ERC1: variants seen among roughly 807,000 people sequenced by gnomAD.
ERC1 encodes ELKS/RAB6-interacting/CAST family member 1.
A neutral mutation model predicts 132.0 loss-of-function variants in ERC1; 56 were observed. That is an observed-to-expected ratio of 0.42 (90% CI 0.34 to 0.53). ERC1 has a LOEUF of 0.53. Among genes scored for constraint, ERC1 ranks in the 20% least tolerant of loss-of-function variants. The probability of loss-of-function intolerance (pLI) is 0.03; values close to 1 mark genes in which losing one functional copy is unlikely to be tolerated. For missense variants in ERC1, 1,202 were observed against 1,349.9 expected, an observed-to-expected ratio of 0.89 and a Z score of 1.72; for synonymous variants, 478 against 476.1, an observed-to-expected ratio of 1.00 and a Z score of -0.05.
intron 18 of ERC1, among the ~76,000 whole-genome samples, chr12:1,483,823 G>C (rs1020314408): frequency 6.6e-6 from 1 of 151,448 alleles, no homozygotes; most frequent in East Asian, 2.0e-4. Context: ...CCGAGTACCT[G>C]GGAACTACAG....
rs201919097 is a variant in ERC1 at position 1,083,447 on chromosome 12, G to A, written c.953G>A (p.Ser318Asn). 20 of 1,614,078 alleles carry A rather than the reference G, an allele frequency of 1.2e-5. No homozygotes were observed. The Admixed American group carries it at 2.8e-4, about 23-fold the overall frequency. ...SIKKLLEMLQ[S>N]KGLSAKATEE... Reference sequence around the variant, plus strand: ...AAGAAGCTTCTGGAAATGTTGCAGAGCAAAGGACTTTCTGCCAAGGCTACC... The same window carrying A: ...AAGAAGCTTCTGGAAATGTTGCAGAACAAAGGACTTTCTGCCAAGGCTACC... The change falls in exon 3 of 19, where the codon AGC (serine) becomes AAC (asparagine). Residue 318 changes from serine to asparagine, a missense_variant. By Grantham distance (46) the Ser-to-Asn change is conservative (BLOSUM62 1). Coordinates refer to ENST00000360905, the MANE Select transcript of ERC1 (RefSeq NM_178040.4).
rs1361159773 is a variant in ERC1 at position 1,225,450 on chromosome 12, ACACACAC to A, written c.2352-11318_2352-11312del. On this transcript the variant is annotated intron_variant, in intron 12 of 18. Transcript: ENST00000360905. ...GGACAACAAAATGAGGCTGTCTCTT[ACACACAC>A]ACACACACACACACACACACACACA... Among the ~76,000 whole-genome samples the A allele has an allele frequency of 6.3e-3, 319 of 50,818 alleles. 2 individuals are homozygous for A. The highest frequency in any genetic ancestry group is 0.018 in the African/African-American group (284 of 16,128). The allele number at this position is 50,818 out of a possible 152,430, so 33.3% of individuals were successfully genotyped here.
intron 12 of ERC1, among the ~76,000 whole-genome samples, chr12:1,232,843 T>C (rs1003712282): frequency 6.6e-6 from 1 of 152,066 alleles, no homozygotes; most frequent in Non-Finnish European, 1.5e-5. Context: ...AAGGGCTTTA[T>C]TGGTTTACTT....
At chr12:1,024,178 C>T (rs920293453) in intron 1 of ERC1, among the ~76,000 whole-genome samples, 6 of 152,128 alleles carry the variant, frequency 3.9e-5, no homozygotes, top group Admixed American at 1.3e-4. Context: ...CCCAGGAGTT[C>T]GAGACCAGAC....
intron 8 of ERC1, among the ~76,000 whole-genome samples, chr12:1,154,223 GTATATGTATATGTA>G (rs1951111564): frequency 1.4e-5 from 1 of 71,696 alleles, no homozygotes; most frequent in African/African-American, 7.8e-5. Context: ...GTATGTATAT[GTATATGTATATGTA>G]TATGTATATG....
chr12:1,041,422 G>T (rs1478347756), intron 2 of ERC1, among the ~76,000 whole-genome samples: 1 of 152,164 alleles, frequency 6.6e-6, no homozygotes, highest in Non-Finnish European at 1.5e-5. Context: ...GGCCAGGCTG[G>T]TCTGGAACTC....
chr12:1,039,527 CAAA>C (rs762426789), intron 2 of ERC1, among the ~76,000 whole-genome samples: 1 of 128,388 alleles, frequency 7.8e-6, no homozygotes. Flanking sequence ...AAGAGTCTGT[CAAA>C]AAAAAAAAGA....
intron 4 of ERC1, among the ~76,000 whole-genome samples, chr12:1,107,327 A>G (rs1227678572): frequency 6.6e-6 from 1 of 152,200 alleles, no homozygotes; most frequent in African/African-American, 2.4e-5. Flanking sequence ...ATTGGGATGC[A>G]AATGAATTGA....
At chr12:1,363,403 T>A (rs1473311539) in intron 15 of ERC1, among the ~76,000 whole-genome samples, 1 of 152,224 alleles carries the variant, frequency 6.6e-6, no homozygotes, top group African/African-American at 2.4e-5. Flanking sequence ...TCAATCAATG[T>A]CATTTACTGA....
At chr12:1,365,110 C>T (rs747338768) in intron 15 of ERC1, among the ~76,000 whole-genome samples, 2 of 152,072 alleles carry the variant, frequency 1.3e-5, no homozygotes, top group African/African-American at 4.8e-5. Flanking sequence ...CCCACTATGT[C>T]ATCTTCCTTT....
At chr12:1,208,129 T>C (rs971375164) in intron 12 of ERC1, among the ~76,000 whole-genome samples, 1 of 152,200 alleles carries the variant, frequency 6.6e-6, no homozygotes, top group Non-Finnish European at 1.5e-5. Context: ...AAATTGACTT[T>C]ACAGAGATGA....
At chr12:1,286,293 C>CAAAAAA (rs71293127) in intron 14 of ERC1, among the ~76,000 whole-genome samples, 3 of 81,260 alleles carry the variant, frequency 3.7e-5, no homozygotes, top group Non-Finnish European at 7.0e-5. Context: ...GACTCCATCT[C>CAAAAAA]AAAAAAAAAA....
chr12:1,405,737 A>C (rs2091445681), intron 16 of ERC1, among the ~76,000 whole-genome samples: 1 of 151,456 alleles, frequency 6.6e-6, no homozygotes, highest in African/African-American at 2.4e-5. Context: ...TATTCAGCCA[A>C]ATGCTGTGTA....
rs75496923 is a variant in ERC1, at chr12:1,123,225, G to A, written c.1569+7192G>A. On this transcript the variant is annotated intron_variant, in intron 7 of 18. Transcript: ENST00000360905. Reference sequence around the variant, plus strand: ...CAAGCATAAGTATGGCTCTTAATACGCTAGAAAAATCAAAATGGAATGTAT... The same window carrying A: ...CAAGCATAAGTATGGCTCTTAATACACTAGAAAAATCAAAATGGAATGTAT... Among the ~76,000 whole-genome samples, 663 of 152,118 alleles carry A rather than the reference G, an allele frequency of 4.4e-3. 9 individuals are homozygous for A. Among genetic ancestry groups the A allele is most frequent in the African/African-American group, 0.014 (594 of 41,500 alleles).
At chr12:1,432,971 T>TG (rs1472116498) in intron 17 of ERC1, among the ~76,000 whole-genome samples, 3 of 152,240 alleles carry the variant, frequency 2.0e-5, no homozygotes, top group Non-Finnish European at 2.9e-5. Context: ...GCCAACCGCC[T>TG]GCATCCTCCT....
chr12:1,388,672 C>G lies in ERC1; in HGVS notation c.2925+16695C>G, dbSNP rs556269908. Among the ~76,000 whole-genome samples, 3 of 152,274 alleles carry G rather than the reference C, an allele frequency of 2.0e-5. No homozygotes were observed. In the South Asian group the frequency reaches 6.2e-4, roughly 32 times the overall value. On this transcript the variant is annotated intron_variant, in intron 16 of 18. Coordinates refer to ENST00000360905, the MANE Select transcript of ERC1 (RefSeq NM_178040.4). The stretch of plus-strand genomic sequence containing the variant: ...TTCTTTTATAGATAAATCAATCACT[C>G]TGGCAGCTAATGGAGGAAGTTAAGG...
chr12:1,155,440 T>G (rs113441152), intron 8 of ERC1, among the ~76,000 whole-genome samples: 1 of 151,408 alleles, frequency 6.6e-6, no homozygotes, highest in Non-Finnish European at 1.5e-5. Context: ...TCAACCTAAG[T>G]GCCCATCAAC....
intron 2 of ERC1, among the ~76,000 whole-genome samples, chr12:1,067,696 G>A (rs1473018546): frequency 1.3e-5 from 2 of 152,124 alleles, no homozygotes; most frequent in African/African-American, 4.8e-5. Flanking sequence ...CAGCAGCCAA[G>A]CAGAGGGCAT....
At chr12:1,438,954 A>T (rs10773944) in intron 17 of ERC1, among the ~76,000 whole-genome samples, 89,125 of 143,486 alleles carry the variant, frequency 0.62, 27,194 homozygotes, top group East Asian at 0.81. Context: ...TTTAAAAAAA[A>T]ATATATATAT....
Sources: allele counts gnomAD v4.1 joint callset (sites outside exome capture counted in the v4.1 genomes callset), GRCh38; gene constraint gnomAD v4.1.1; transcripts MANE v1.5; gene names NCBI Gene and HGNC (gene_info 2026-07-23, HGNC 2026-07-21).